The following ARRDC2 variants were observed in gnomAD, a reference collection of about 807,000 sequenced individuals.
ARRDC2 encodes arrestin domain containing 2.
ARRDC2 carries 39 observed loss-of-function variants against 38.9 expected under a neutral mutation model. The ratio of observed to expected loss-of-function variants is 1.00; its 90% CI spans 0.78 to 1.31. The LOEUF is 1.31. ARRDC2 is among the 50% of genes most tolerant of loss of function. The pLI is 0.00. For missense variants in ARRDC2, 553 were observed against 588.4 expected (o/e 0.94, Z 0.62); for synonymous variants, 300 against 261.9 (o/e 1.15, Z -1.41).
chr19:18,001,690 A>AG, intron 1 of ARRDC2: 11 of 1,176,454 alleles, frequency 9.4e-6, no homozygotes, highest in Non-Finnish European at 1.1e-5. Flanking sequence ...CTTTTCAAGG[A>AG]GGGGGAAACC....
In ARRDC2 at chr19:18,008,743, C is replaced by G; in HGVS notation, c.307C>G (p.Arg103Gly). Residue 103 changes from arginine to glycine, a missense_variant, in exon 2 of 8, where the codon CGC (arginine) becomes GGC (glycine). This residue lies in a region of ARRDC2 where 447 missense variants were observed against 456.6 expected (regional missense o/e 0.98). Transcript: ENST00000222250. ...GGAGACCACGACGCTGCCTCCTGGGCGCCATGAGTTCCTGTTCAGCTTCCA... is the reference window on the plus strand; with the variant it reads ...GGAGACCACGACGCTGCCTCCTGGGGGCCATGAGTTCCTGTTCAGCTTCCA... ...TGETTTLPPG[R>G]HEFLFSFQLP... 1.2e-6 allele frequency: 2 copies of G among 1,613,570 alleles called. No individual in the cohort carries two copies. Among genetic ancestry groups the G allele is most frequent in the Non-Finnish European group, 1.7e-6 (2 of 1,180,002 alleles).
chr19:18,002,531 A>G (rs1794390634), intron 1 of ARRDC2, among the ~76,000 whole-genome samples: 1 of 152,116 alleles, frequency 6.6e-6, no homozygotes, highest in Admixed American at 6.5e-5. Context: ...GCCAGACCTC[A>G]CTATACCCGT....
upstream of ARRDC2, among the ~76,000 whole-genome samples, chr19:18,006,840 G>A (rs1183996404): frequency 6.6e-6 from 1 of 152,046 alleles, no homozygotes. Context: ...ACCTAATCCC[G>A]CTTCTCCTCC....
rs2146004701 is a variant in ARRDC2 at position 18,009,512 on chromosome 19, TG to T, written c.490-75del. On this transcript the variant is annotated intron_variant, in intron 3 of 7. Coordinates refer to ENST00000222250, the MANE Select transcript of ARRDC2 (RefSeq NM_015683.2). The stretch of plus-strand genomic sequence containing the variant: ...GCCCTGCCCAAAGTCCTCCCTCAGC[TG>T]GGGGTGGTTTGGAAGCTCCACAGCG... 3.8e-6 allele frequency: 5 copies of T among 1,302,674 alleles called. No individual in the cohort carries two copies. The South Asian group carries it at 5.5e-5, about 14-fold the overall frequency. 80.7% of individuals were successfully genotyped at this position (1,302,674 alleles called of 1,614,324 possible). A position where few individuals can be genotyped will look rare whatever the true frequency, so the allele number is the denominator to read the frequency against.
rs2146003895 is a variant in ARRDC2, at chr19:18,009,067, G to A, written c.438G>A (p.Arg146=). Reference sequence around the variant, plus strand: ...CCTGGGTCCCAGCACGCCGGGCAAGGAAGGTGTTCACTGTCATCGAGCCTG... The same window carrying A: ...CCTGGGTCCCAGCACGCCGGGCAAGAAAGGTGTTCACTGTCATCGAGCCTG... The part of the protein sequence containing the change: ...HRPWVPARRA[R]KVFTVIEPVD... The change falls in exon 3 of 8, where the codon AGG becomes AGA. Residue 146 remains arginine, a synonymous_variant. Coordinates refer to ENST00000222250, the MANE Select transcript of ARRDC2 (RefSeq NM_015683.2). 5 of 1,613,588 alleles carry A rather than the reference G, an allele frequency of 3.1e-6. No homozygotes were observed. Among genetic ancestry groups the A allele is most frequent in the Non-Finnish European group, 4.2e-6 (5 of 1,180,000 alleles).
upstream of ARRDC2, among the ~76,000 whole-genome samples, chr19:18,005,104 C>G (rs917027450): frequency 6.6e-6 from 1 of 151,894 alleles, no homozygotes; most frequent in Admixed American, 6.6e-5. Context: ...GGAAGGTCAG[C>G]AGATAAACAG....
intron 1 of ARRDC2, 26 bp downstream of exon 1, chr19:18,008,610 A>G (rs1487011112): frequency 3.8e-6 from 6 of 1,596,116 alleles, no homozygotes; most frequent in Middle Eastern, 1.6e-4. Context: ...CCCTGCTCCA[A>G]CACCAGTTGT....
At chr19:18,005,663 CA>C (rs1438460353), upstream of ARRDC2, among the ~76,000 whole-genome samples, 4 of 147,890 alleles carry the variant, frequency 2.7e-5, no homozygotes, top group African/African-American at 1.0e-4. Flanking sequence ...GCTGGCCGGG[CA>C]GGGGGCTGAC....
upstream of ARRDC2, among the ~76,000 whole-genome samples, chr19:18,003,435 TTTTTGTTTTGTTTTG>T (rs373419036): frequency 1.6e-3 from 241 of 149,892 alleles, no homozygotes; most frequent in Non-Finnish European, 2.3e-3. Flanking sequence ...CCCGGCTAAC[TTTTTGTTTTGTTTTG>T]TTTTGTTTTG....
chr19:18,007,920 T>C, upstream of ARRDC2: 1 of 315,478 alleles, frequency 3.2e-6, no homozygotes. Context: ...CCTCTTTTTT[T>C]CCTCTTTACC....
At chr19:18,003,931 G>A (rs1427076011), upstream of ARRDC2, among the ~76,000 whole-genome samples, 3 of 151,788 alleles carry the variant, frequency 2.0e-5, no homozygotes, top group African/African-American at 7.3e-5. Context: ...GAGCCACAGT[G>A]CCCGGCCAAT....
Position 18,001,584 on chromosome 19 carries a change from C to G in ARRDC2, c.259+11C>G, listed in dbSNP as rs1172492934. 3.8e-6 allele frequency: 5 copies of G among 1,312,938 alleles called. No homozygotes were observed. In the East Asian group the frequency reaches 9.4e-5, roughly 25 times the overall value. The allele number at this position is 1,312,938 out of a possible 1,614,324, so 81.3% of individuals were successfully genotyped here. A position where few individuals can be genotyped will look rare whatever the true frequency, so the allele number is the denominator to read the frequency against. On this transcript the variant is annotated intron_variant, in intron 1 of 7. Transcript: ENST00000379656. ...AGCTGCTGCTCCGAGGTGAGACACT[C>G]GTCGCGCCGCCCCCGCAGCAGCCGG...
At chr19:18,009,416 G>A in intron 3 of ARRDC2, 176 bp from the exon 4 acceptor site, 1 of 651,634 alleles carries the variant, frequency 1.5e-6, no homozygotes, top group Non-Finnish European at 2.6e-6. Flanking sequence ...TTTCATTTCT[G>A]GCTTTATAAG....
At chr19:18,003,056 C>T (rs1166520734) in intron 1 of ARRDC2, among the ~76,000 whole-genome samples, 2 of 150,990 alleles carry the variant, frequency 1.3e-5, no homozygotes, top group South Asian at 4.2e-4. Context: ...GCTGAGATGG[C>T]ACCACTACAC....
At chr19:18,010,080 C>T (rs1358496403) in intron 5 of ARRDC2, 41 bp downstream of exon 5, 11 of 1,605,364 alleles carry the variant, frequency 6.9e-6, no homozygotes, top group East Asian at 2.2e-5. Flanking sequence ...TGCCTACATT[C>T]ACCCTGTATT....
upstream of ARRDC2, among the ~76,000 whole-genome samples, chr19:18,006,250 C>G (rs1056435087): frequency 2.6e-5 from 4 of 152,064 alleles, no homozygotes; most frequent in African/African-American, 7.3e-5. Context: ...GCTGCAATCT[C>G]GGCACTTTGG....
rs763867466 is a variant in ARRDC2 at position 18,008,508 on chromosome 19, C to T, written c.198C>T (p.Gly66=). ...ACTGGACCGAGTCGCGCAGCGCGGG[C>T]TCGAGCACGGCTTACACGCAGAGCT... is the stretch of plus-strand genomic sequence containing the variant. ...HVHWTESRSA[G]SSTAYTQSYS... The change falls in exon 1 of 8, where the codon GGC becomes GGT. Residue 66 remains glycine, a synonymous_variant. Transcript: ENST00000222250. 5.2e-6 allele frequency: 8 copies of T among 1,533,494 alleles called. No individual in the cohort carries two copies. Among genetic ancestry groups the T allele is most frequent in the Non-Finnish European group, 6.1e-6 (7 of 1,146,978 alleles). The allele number at this position is 1,533,494 out of a possible 1,614,324, so 95.0% of individuals were successfully genotyped here.
chr19:18,009,702 G>GCGGAC lies in ARRDC2; in HGVS notation c.592+14_592+18dup, dbSNP rs754054004. On this transcript the variant is annotated intron_variant, in intron 4 of 7. Transcript: ENST00000222250. Reference sequence around the variant, plus strand: ...GCAAGGGCTACACCCCAGGTAGCAGGCGGACCGGACTGGGTTGGGACGGGG... The same window carrying GCGGAC: ...GCAAGGGCTACACCCCAGGTAGCAGGCGGACCGGACCGGACTGGGTTGGGACGGGG... 4 of 1,611,776 alleles carry GCGGAC rather than the reference G, an allele frequency of 2.5e-6. No homozygotes were observed. The highest frequency in any genetic ancestry group is 3.4e-6 in the Non-Finnish European group (4 of 1,178,722).
At chr19:18,011,934 G>GTGTATA (rs944958651) in intron 7 of ARRDC2, among the ~76,000 whole-genome samples, 12 of 68,402 alleles carry the variant, frequency 1.8e-4, no homozygotes, top group African/African-American at 6.1e-4. Context: ...GTGTATATGT[G>GTGTATA]TATATATATA....
Sources: gnomAD v4.1 joint callset for allele counts (sites outside exome capture counted in the v4.1 genomes callset) on GRCh38, gnomAD v4.1.1 for gene constraint, gnomAD v4.1.1 regional missense constraint, MANE v1.5 for transcripts, NCBI Gene and HGNC (gene_info 2026-07-23, HGNC 2026-07-21) for gene names.